The following CLASP2 variants were observed in gnomAD, a reference collection of about 807,000 sequenced individuals.
CLASP2 encodes the protein cytoplasmic linker associated protein 2, also known as CLIP-associating protein 2.
In CLASP2, 47 loss-of-function variants were observed where a neutral mutation model predicts 194.4. The ratio of observed to expected loss-of-function variants is 0.24; its 90% CI spans 0.19 to 0.31. The LOEUF is 0.31. CLASP2 is among the 10% of genes least tolerant of loss of function. CLASP2 has a pLI of 1.00. For missense variants in CLASP2, 1,445 were observed against 1,823.6 expected (o/e 0.79, Z 3.78); for synonymous variants, 619 against 633.5 (o/e 0.98, Z 0.34).
In CLASP2 at chr3:33,545,001, T is replaced by TA. The variant is rs561410968; in HGVS notation, c.3154-161dup. 1,127 of 407,570 alleles carry TA rather than the reference T, an allele frequency of 2.8e-3. 1 individual carries two copies. Among genetic ancestry groups the TA allele is most frequent in the Middle Eastern group, 3.4e-3 (5 of 1,484 alleles). 25.2% of individuals were successfully genotyped at this position (407,570 alleles called of 1,614,324 possible). On this transcript the variant is annotated intron_variant, in intron 30 of 38. Coordinates refer to ENST00000682230, the MANE Select transcript of CLASP2 (RefSeq NM_001365631.1). ...CTTTCAAACTGTTTTGCTGGAAGGA[T>TA]AAAAAAAAAATATTGACCTACCTTT... is the stretch of plus-strand genomic sequence containing the variant.
chr3:33,544,948 C>T (rs1210372621), intron 30 of CLASP2, 107 bp from the exon 31 acceptor site: 5 of 729,424 alleles, frequency 6.9e-6, no homozygotes, highest in Middle Eastern at 4.4e-4. Flanking sequence ...ACCATCTTTC[C>T]CAGGGAAAAG....
chr3:33,684,235 G>T (rs7628519), intron 6 of CLASP2, 124 bp downstream of exon 6: 121,351 of 490,838 alleles, frequency 0.25, 16,140 homozygotes, highest in Admixed American at 0.37. Flanking sequence ...ACAAGAGCAA[G>T]ACTCCATCTC....
intron 6 of CLASP2, among the ~76,000 whole-genome samples, chr3:33,677,391 C>A (rs2088910118): frequency 6.6e-6 from 1 of 151,490 alleles, no homozygotes; most frequent in South Asian, 2.1e-4. Context: ...ATGATGAGTT[C>A]ATGTCCTTTG....
intron 34 of CLASP2, among the ~76,000 whole-genome samples, chr3:33,532,181 T>C (rs544491330): frequency 6.6e-6 from 1 of 152,304 alleles, no homozygotes; most frequent in Admixed American, 6.5e-5. Context: ...AATGGAGTAT[T>C]ATTCAGCCTT....
At chr3:33,621,040 T>A (rs913945735) in intron 11 of CLASP2, among the ~76,000 whole-genome samples, 2 of 130,950 alleles carry the variant, frequency 1.5e-5, no homozygotes, top group Non-Finnish European at 1.7e-5. Flanking sequence ...TGTGTGTGTG[T>A]GAATCTCCCC....
chr3:33,650,514 GC>G (rs1559529485), intron 7 of CLASP2, among the ~76,000 whole-genome samples: 1 of 152,120 alleles, frequency 6.6e-6, no homozygotes, highest in Non-Finnish European at 1.5e-5. Flanking sequence ...AAGTGAGCAG[GC>G]TGCAGTGGTT....
chr3:33,667,635 T>A (rs1258740161), intron 6 of CLASP2, among the ~76,000 whole-genome samples: 8 of 152,098 alleles, frequency 5.3e-5, no homozygotes, highest in Non-Finnish European at 1.5e-5. Flanking sequence ...TACATTTGGT[T>A]GTATGATCCA....
intron 1 of CLASP2, among the ~76,000 whole-genome samples, 169 bp downstream of exon 1, chr3:33,717,639 C>A (rs1431484876): frequency 1.3e-5 from 2 of 152,242 alleles, no homozygotes; most frequent in South Asian, 2.1e-4. Context: ...GTTGGTCAGG[C>A]TGGTCTCGAA....
chr3:33,571,823 C>T (rs1282368608), intron 25 of CLASP2, among the ~76,000 whole-genome samples: 7 of 151,918 alleles, frequency 4.6e-5, no homozygotes, highest in South Asian at 4.2e-4. Flanking sequence ...GAAACAACAA[C>T]GAAATCAATA....
At chr3:33,590,704 T>A (rs897738837) in intron 21 of CLASP2, among the ~76,000 whole-genome samples, 1 of 152,162 alleles carries the variant, frequency 6.6e-6, no homozygotes, top group Non-Finnish European at 1.5e-5. Flanking sequence ...TTTTCTGACT[T>A]TGAAAAAAGA....
In CLASP2 at chr3:33,543,446, T is replaced by C; in HGVS notation, c.3391A>G (p.Thr1131Ala). 1 of 1,583,588 alleles carries C rather than the reference T, an allele frequency of 6.3e-7. No individual in the cohort carries two copies. Among genetic ancestry groups the C allele is most frequent in the Non-Finnish European group, 8.7e-7 (1 of 1,152,126 alleles). Residue 1131 changes from threonine to alanine, a missense_variant, in exon 32 of 39, where the codon ACT (threonine) becomes GCT (alanine). By Grantham distance (58) the Thr-to-Ala change is moderately conservative. Coordinates refer to ENST00000682230, the MANE Select transcript of CLASP2 (RefSeq NM_001365631.1). ...LTSPTNTSQN[T>A]LSPSAFDYDT... is the part of the protein sequence containing the mutation. ...TCCTTTTATTACCTTGGAGATAAAGTATTCTGTGATGTATTGGTAGGAGAA... is the reference window on the plus strand; with the variant it reads ...TCCTTTTATTACCTTGGAGATAAAGCATTCTGTGATGTATTGGTAGGAGAA...
intron 30 of CLASP2, among the ~76,000 whole-genome samples, chr3:33,548,763 C>CTTTTTT (rs57112524): frequency 6.0e-3 from 557 of 92,972 alleles, no homozygotes; most frequent in Middle Eastern, 9.1e-3. Flanking sequence ...GGTTTCATTT[C>CTTTTTT]TTTTTTTTTT....
chr3:33,603,907 G>C (rs987502616), intron 17 of CLASP2, among the ~76,000 whole-genome samples: 2 of 152,210 alleles, frequency 1.3e-5, no homozygotes, highest in Non-Finnish European at 2.9e-5. Flanking sequence ...TGCGTCATGA[G>C]AAGCATTATG....
At chr3:33,599,761 G>C (rs558480572) in intron 18 of CLASP2, among the ~76,000 whole-genome samples, 1 of 152,116 alleles carries the variant, frequency 6.6e-6, no homozygotes, top group Non-Finnish European at 1.5e-5. Flanking sequence ...GAGACACAGC[G>C]GGTAGGGTGG....
chr3:33,601,282 C>G (rs2154252896), intron 18 of CLASP2, among the ~76,000 whole-genome samples: 1 of 152,214 alleles, frequency 6.6e-6, no homozygotes, highest in East Asian at 1.9e-4. Flanking sequence ...TTACCACATT[C>G]TTGAAAACAG....
At chr3:33,576,051 CTTTAGA>C (rs1174943001) in intron 24 of CLASP2, 112 bp downstream of exon 24, 22 of 703,616 alleles carry the variant, frequency 3.1e-5, no homozygotes, top group South Asian at 3.0e-4. Context: ...CACGTTTTAT[CTTTAGA>C]TTTAATCACT....
At chr3:33,538,373 A>G (rs544935845) in intron 33 of CLASP2, among the ~76,000 whole-genome samples, 2 of 152,218 alleles carry the variant, frequency 1.3e-5, no homozygotes, top group Non-Finnish European at 1.5e-5. Flanking sequence ...GGACCACACA[A>G]TCTAAAATAG....
At chr3:33,500,574 A>T (rs1016310666) in intron 38 of CLASP2, among the ~76,000 whole-genome samples, 10 of 151,648 alleles carry the variant, frequency 6.6e-5, no homozygotes, top group Middle Eastern at 3.4e-3. Context: ...TATTTTTTTT[A>T]AAACTTTGTC....
At chr3:33,564,640 C>T (rs1365135963) in intron 27 of CLASP2, among the ~76,000 whole-genome samples, 4 of 152,090 alleles carry the variant, frequency 2.6e-5, no homozygotes, top group Non-Finnish European at 5.9e-5. Flanking sequence ...ACCCAGTCTG[C>T]AGTACAGTGG....
Sources: gnomAD v4.1 joint callset for allele counts (sites outside exome capture counted in the v4.1 genomes callset) on GRCh38, gnomAD v4.1.1 for gene constraint, MANE v1.5 for transcripts, NCBI Gene and HGNC (gene_info 2026-07-23, HGNC 2026-07-21) for gene names.